Variants in PCDHA4 observed in about 807,000 individuals in gnomAD.
PCDHA4 encodes protocadherin alpha-4.
PCDHA4 carries 49 observed loss-of-function variants against 61.4 expected under a neutral mutation model. The observed-to-expected ratio is 0.80, with a 90% CI of 0.63 to 1.01. PCDHA4 has a LOEUF of 1.01. Among genes scored for constraint, PCDHA4 ranks in the 50% least tolerant of loss-of-function variants. The pLI is 0.00. For missense variants in PCDHA4, 1,254 were observed against 1,235.8 expected (o/e 1.01, Z -0.22); for synonymous variants, 590 against 550.3 (o/e 1.07, Z -1.01).
intron 1 of PCDHA4, among the ~76,000 whole-genome samples, chr5:140,820,123 T>C (rs2150105904): frequency 6.6e-6 from 1 of 152,128 alleles, no homozygotes; most frequent in East Asian, 1.9e-4. Context: ...TTTTAACCAT[T>C]GTGTATTAAA....
intron 1 of PCDHA4, chr5:140,856,566 CA>C (rs1554148860): frequency 6.3e-7 from 1 of 1,597,240 alleles, no homozygotes; most frequent in South Asian, 1.1e-5. Flanking sequence ...AAACTCAGTC[CA>C]AATGAGTATT....
At chr5:140,862,360 G>A (rs920511235) in intron 1 of PCDHA4, 3 of 334,748 alleles carry the variant, frequency 9.0e-6, no homozygotes, top group Non-Finnish European at 1.8e-5. Context: ...AGGGACAGAC[G>A]ACCCGCACCC....
At chr5:140,900,438 C>G (rs573115268) in intron 1 of PCDHA4, among the ~76,000 whole-genome samples, 1 of 152,116 alleles carries the variant, frequency 6.6e-6, no homozygotes, top group East Asian at 1.9e-4. Context: ...CCACCACGGC[C>G]GGCTAATTTT....
At chr5:140,809,638 T>C in intron 1 of PCDHA4, 66 bp downstream of exon 1, 2 of 1,504,738 alleles carry the variant, frequency 1.3e-6, no homozygotes, top group Non-Finnish European at 1.8e-6. Context: ...CTTCGTAAAT[T>C]TATTTCTAAG....
Position 140,850,666 on chromosome 5 carries a change from C to A in PCDHA4, c.2385+41094C>A, listed in dbSNP as rs2150492830. 6.9e-6 allele frequency: 11 copies of A among 1,598,434 alleles called. 3 individuals carry two copies. Among genetic ancestry groups the A allele is most frequent in the Middle Eastern group, 1.7e-4 (1 of 5,998 alleles). ...CTGCTGTACACTGTGCTGCGGTGCT[C>A]GGCGATGCCCACCGAGGGCGAGTGC... On this transcript the variant is annotated intron_variant, in intron 1 of 3. Transcript: ENST00000530339.
chr5:140,850,192 T>C lies in PCDHA4; in HGVS notation c.2385+40620T>C. 1.3e-6 allele frequency: 2 copies of C among 1,593,512 alleles called. 1 individual carries two copies. The highest frequency in any genetic ancestry group is 1.7e-6 in the Non-Finnish European group (2 of 1,167,634). On this transcript the variant is annotated intron_variant, in intron 1 of 3. Transcript: ENST00000530339. ...GAGAACGACAATGCGCCGGCGCTGC[T>C]GACACCTCGGATGAGGGGCACTGAC...
In PCDHA4 at chr5:141,010,369, G is replaced by A. The variant is rs963959073; in HGVS notation, c.*432G>A. The A allele has an allele frequency of 1.8e-4, 270 of 1,474,338 alleles. No homozygotes were observed. The highest frequency in any genetic ancestry group is 7.1e-5 in the Non-Finnish European group (79 of 1,109,414). 91.3% of individuals were successfully genotyped at this position (1,474,338 alleles called of 1,614,324 possible). On this transcript the variant is annotated 3_prime_UTR_variant, in exon 4 of 4. Transcript: ENST00000530339. ...GTATGTGTGGCTACCGCGGGTATGCGAGTGCCAGATATTGGCTGAGACGAG... is the reference window on the plus strand; with the variant it reads ...GTATGTGTGGCTACCGCGGGTATGCAAGTGCCAGATATTGGCTGAGACGAG...
intron 1 of PCDHA4, among the ~76,000 whole-genome samples, chr5:140,901,420 C>G (rs2153473414): frequency 6.6e-6 from 1 of 152,248 alleles, no homozygotes; most frequent in East Asian, 1.9e-4. Context: ...TAGTTTCATT[C>G]CTCTGCATAT....
At position 140,883,293 on chromosome 5, in the gene PCDHA4, A is replaced by G. The variant is rs1324977852; in HGVS notation, c.2385+73721A>G. On this transcript the variant is annotated intron_variant, in intron 1 of 3. Coordinates refer to ENST00000530339, the MANE Select transcript of PCDHA4 (RefSeq NM_018907.4). ...TGTACCCTTTTGGTGGAAGTACTAGATGTAAATGATAACGCCCCAGAGGTT... is the reference window on the plus strand; with the variant it reads ...TGTACCCTTTTGGTGGAAGTACTAGGTGTAAATGATAACGCCCCAGAGGTT... 2 of 1,614,102 alleles carry G rather than the reference A, an allele frequency of 1.2e-6. No homozygotes were observed. Among genetic ancestry groups the G allele is most frequent in the Non-Finnish European group, 1.7e-6 (2 of 1,180,026 alleles).
chr5:140,988,268 G>A (rs1463795699), intron 3 of PCDHA4, among the ~76,000 whole-genome samples: 3 of 152,160 alleles, frequency 2.0e-5, no homozygotes, highest in Non-Finnish European at 4.4e-5. Context: ...AGTATCCTTC[G>A]CTGTCACCTG....
intron 1 of PCDHA4, among the ~76,000 whole-genome samples, chr5:140,831,498 C>T (rs2150195161): frequency 1.8e-5 from 2 of 108,406 alleles, no homozygotes; most frequent in Non-Finnish European, 3.8e-5. Flanking sequence ...TTACTACACA[C>T]GAGCACCACC....
At chr5:140,903,625 A>T (rs2153481028) in intron 1 of PCDHA4, among the ~76,000 whole-genome samples, 1 of 152,362 alleles carries the variant, frequency 6.6e-6, no homozygotes, top group East Asian at 1.9e-4. Context: ...GTGCATGCAT[A>T]TGTATGCATA....
At chr5:140,868,446 A>G (rs1224722166) in intron 1 of PCDHA4, 1 of 152,368 alleles carries the variant, frequency 6.6e-6, no homozygotes, top group Non-Finnish European at 1.5e-5. Flanking sequence ...TGTGGAACAT[A>G]AACACTAAAG....
At chr5:140,872,769 T>C (rs1463790803) in intron 1 of PCDHA4, among the ~76,000 whole-genome samples, 2 of 152,184 alleles carry the variant, frequency 1.3e-5, no homozygotes, top group African/African-American at 2.4e-5. Flanking sequence ...TAGGGCTATA[T>C]TATCTATAAT....
intron 1 of PCDHA4, among the ~76,000 whole-genome samples, chr5:140,970,086 G>T (rs1263388270): frequency 6.6e-6 from 1 of 152,102 alleles, no homozygotes; most frequent in Non-Finnish European, 1.5e-5. Flanking sequence ...TTAGGGGTGT[G>T]GGGGGATGGT....
At chr5:140,966,806 C>T in intron 1 of PCDHA4, 1 of 1,546,832 alleles carries the variant, frequency 6.5e-7, no homozygotes, top group Non-Finnish European at 8.7e-7. Context: ...GACAGAGCAT[C>T]CACGGCTCCG....
At chr5:140,841,381 C>T (rs2150314479) in intron 1 of PCDHA4, 1 of 1,613,486 alleles carries the variant, frequency 6.2e-7, no homozygotes, top group Non-Finnish European at 8.5e-7. Flanking sequence ...TGCTTCTGCT[C>T]CTCGCAGCCT....
At position 140,871,935 on chromosome 5, in the gene PCDHA4, T is replaced by C. The variant is rs373740331; in HGVS notation, c.2385+62363T>C. The stretch of plus-strand genomic sequence containing the variant: ...GATATTTCCACATTGTTAGATCAAC[T>C]GGCTTTGTTTTTCTAAAGGGAGGAG... On this transcript the variant is annotated intron_variant, in intron 1 of 3. Coordinates refer to ENST00000530339, the MANE Select transcript of PCDHA4 (RefSeq NM_018907.4). Among the ~76,000 whole-genome samples, 4 of 152,380 alleles carry C rather than the reference T, an allele frequency of 2.6e-5. No individual in the cohort carries two copies. The East Asian group carries it at 7.7e-4, about 29-fold the overall frequency.
chr5:140,834,243 A>C (rs1260140058), intron 1 of PCDHA4: 4 of 837,910 alleles, frequency 4.8e-6, no homozygotes, highest in Non-Finnish European at 7.4e-6. Flanking sequence ...TCCTTTTCGC[A>C]CTGGAAAGAC....
Sources: gnomAD v4.1 joint callset for allele counts (sites outside exome capture counted in the v4.1 genomes callset) on GRCh38, gnomAD v4.1.1 for gene constraint, MANE v1.5 for transcripts, NCBI Gene and HGNC (gene_info 2026-07-23, HGNC 2026-07-21) for gene names.